Variants in NFE2 observed in about 807,000 individuals in gnomAD.
NFE2 encodes nuclear factor, erythroid 2, also known as transcription factor NF-E2 45 kDa subunit.
A neutral mutation model predicts 25.8 loss-of-function variants in NFE2; 13 were observed. That is an observed-to-expected ratio of 0.50 (90% CI 0.33 to 0.80). NFE2 has a LOEUF of 0.80. Among genes scored for constraint, NFE2 ranks in the 30% least tolerant of loss-of-function variants. The probability of loss-of-function intolerance (pLI) is 0.02; values close to 1 mark genes in which losing one functional copy is unlikely to be tolerated. For missense variants in NFE2, 382 were observed against 478.9 expected, an observed-to-expected ratio of 0.80 and a Z score of 1.89; for synonymous variants, 204 against 200.2, an observed-to-expected ratio of 1.02 and a Z score of -0.16.
At chr12:54,297,030 T>G (rs967718523) in intron 1 of NFE2, among the ~76,000 whole-genome samples, 1 of 152,114 alleles carries the variant, frequency 6.6e-6, no homozygotes, top group African/African-American at 2.4e-5. Context: ...TGTGTCTATG[T>G]GCACGCACAC....
In NFE2 at chr12:54,292,761, C is replaced by T. The variant is rs760692648; in HGVS notation, c.735G>A (p.Leu245=). 1.2e-6 allele frequency: 2 copies of T among 1,614,240 alleles called. No homozygotes were observed. Among genetic ancestry groups the T allele is most frequent in the South Asian group, 2.2e-5 (2 of 91,092 alleles). The change falls in exon 3 of 3, where the codon TTG becomes TTA. Residue 245 remains leucine, a synonymous_variant. Coordinates refer to ENST00000435572, the MANE Select transcript of NFE2 (RefSeq NM_001136023.3). ...IPFPTDKIVN[L]PVDDFNELLA... Reference sequence around the variant, plus strand: ...ATAGCTCATTAAAGTCATCTACCGGCAAGTTGACAATCTTGTCCGTAGGAA... The same window carrying T: ...ATAGCTCATTAAAGTCATCTACCGGTAAGTTGACAATCTTGTCCGTAGGAA...
chr12:54,294,393 C>T (rs1171801908), intron 2 of NFE2, among the ~76,000 whole-genome samples: 1 of 152,082 alleles, frequency 6.6e-6, no homozygotes, highest in African/African-American at 2.4e-5. Flanking sequence ...AGATGCCCAG[C>T]AGAGGGAGCC....
intron 2 of NFE2, among the ~76,000 whole-genome samples, chr12:54,294,561 G>A (rs980943779): frequency 3.3e-5 from 5 of 152,158 alleles, no homozygotes; most frequent in Middle Eastern, 6.3e-3. Flanking sequence ...CAGGTGCAGC[G>A]AGAAGTAGAG....
intron 1 of NFE2, among the ~76,000 whole-genome samples, chr12:54,298,601 A>G (rs185327021): frequency 6.6e-6 from 1 of 152,058 alleles, no homozygotes; most frequent in African/African-American, 2.4e-5. Flanking sequence ...CTAGGAACCT[A>G]ATTGCTATTA....
At position 54,292,702 on chromosome 12, in the gene NFE2, G is replaced by A. The variant is rs746400479; in HGVS notation, c.794C>T (p.Ala265Val). Reference sequence around the variant, plus strand: ...CCGTCGTCGGATGTCCCGGACTAGCGCTAGCTGGCTCTCTGTCAGCGGGTA... The same window carrying A: ...CCGTCGTCGGATGTCCCGGACTAGCACTAGCTGGCTCTCTGTCAGCGGGTA... ...ARYPLTESQL[A>V]LVRDIRRRGK... The change falls in exon 3 of 3, where the codon GCG becomes GTG. Residue 265 changes from alanine to valine, a missense_variant. Coordinates refer to ENST00000435572, the MANE Select transcript of NFE2 (RefSeq NM_001136023.3). 5.0e-6 allele frequency: 8 copies of A among 1,614,228 alleles called. No homozygotes were observed. Among genetic ancestry groups the A allele is most frequent in the East Asian group, 4.5e-5 (2 of 44,888 alleles).
At position 54,293,319 on chromosome 12, in the gene NFE2, A is replaced by T; in HGVS notation, c.177T>A (p.Pro59=). The T allele has an allele frequency of 1.9e-6, 3 of 1,597,204 alleles. No individual in the cohort carries two copies. Among genetic ancestry groups the T allele is most frequent in the Non-Finnish European group, 2.6e-6 (3 of 1,170,310 alleles). ...EPQAPAPYLG[P]PPPTTYCPCS... ...AGGGGCAGTAAGTTGTGGGTGGTGG[A>T]GGTCCAAGGTATGGAGCTGGGGCTT... Residue 59 remains proline, a synonymous_variant, in exon 3 of 3, where the codon CCT becomes CCA. Transcript: ENST00000435572.
chr12:54,292,828 C>T lies in NFE2; in HGVS notation c.668G>A (p.Gly223Glu). 1 of 1,614,130 alleles carries T rather than the reference C, an allele frequency of 6.2e-7. No homozygotes were observed. Among genetic ancestry groups the T allele is most frequent in the East Asian group, 2.2e-5 (1 of 44,870 alleles). The change falls in exon 3 of 3, where the codon GGG becomes GAG. Residue 223 changes from glycine to glutamate, a missense_variant. Gly to Glu is a moderately conservative substitution (Grantham distance 98, BLOSUM62 -2). Transcript: ENST00000435572. ...RAKPTARGEA[G>E]SRDERRALAM... ...CAAGGCCCGACGTTCATCCCGACTC[C>T]CTGCCTCCCCCCGTGCAGTGGGCTT... is the stretch of plus-strand genomic sequence containing the variant.
intron 2 of NFE2, among the ~76,000 whole-genome samples, chr12:54,294,807 G>A (rs1237047930): frequency 6.6e-6 from 1 of 152,188 alleles, no homozygotes; most frequent in Non-Finnish European, 1.5e-5. Context: ...GAAGAAGATG[G>A]CAGGATCAGA....
rs1944342456 is a variant in NFE2 at position 54,293,673 on chromosome 12, A to AC, written c.115-293dup. 3.3e-5 allele frequency among the ~76,000 whole-genome samples: 5 copies of AC among 151,988 alleles called. No homozygotes were observed. The East Asian group carries it at 9.8e-4, about 30-fold the overall frequency. Reference sequence around the variant, plus strand: ...AGACCAGCCTGGACAACATGGTGAAACCCCATCTCTGCTAAAAATACAAAA... The same window carrying AC: ...AGACCAGCCTGGACAACATGGTGAAACCCCCATCTCTGCTAAAAATACAAAA... On this transcript the variant is annotated intron_variant, in intron 2 of 2. Transcript: ENST00000435572.
chr12:54,292,596 C>T lies in NFE2; in HGVS notation c.900G>A (p.Arg300=). The T allele has an allele frequency of 6.2e-7, 1 of 1,614,166 alleles. No individual in the cohort carries two copies. The highest frequency in any genetic ancestry group is 8.5e-7 in the Non-Finnish European group (1 of 1,180,030). The change falls in exon 3 of 3, where the codon CGG becomes CGA. Residue 300 remains arginine (R), a synonymous_variant. Transcript: ENST00000435572. ...TIVQLERELE[R]LTNERERLLR... ...GAAGCCGCTCCCGTTCATTGGTCAG[C>T]CGCTCCAGCTCCCGCTCCAGCTGCA...
chr12:54,294,309 A>T (rs987277959), intron 2 of NFE2, among the ~76,000 whole-genome samples: 2 of 151,848 alleles, frequency 1.3e-5, no homozygotes, highest in African/African-American at 4.8e-5. Flanking sequence ...TTTATCCAAG[A>T]TGACCCCTCA....
In NFE2 at chr12:54,293,232, G is replaced by A. The variant is rs1565886090; in HGVS notation, c.264C>T (p.Ser88=). The change falls in exon 3 of 3, where the codon TCC becomes TCT. Residue 88 remains serine, a synonymous_variant. Coordinates refer to ENST00000435572, the MANE Select transcript of NFE2 (RefSeq NM_001136023.3). ...ATGGGGGATCTGGGACATGGGATGT[G>A]GATGCTGGGAGCTCATAAGGTGGTG... ...LPPPPYELPA[S]TSHVPDPPYS... 1 of 1,610,098 alleles carries A rather than the reference G, an allele frequency of 6.2e-7. No homozygotes were observed.
At chr12:54,293,427 G>A (rs1376679677) in intron 2 of NFE2, 46 bp from the exon 3 acceptor site, 1 of 1,400,618 alleles carries the variant, frequency 7.1e-7, no homozygotes, top group African/African-American at 1.4e-5. Context: ...CTAAGGAAGA[G>A]AAACCAACAC....
At chr12:54,293,634 A>C (rs1388853467) in intron 2 of NFE2, among the ~76,000 whole-genome samples, 1 of 151,372 alleles carries the variant, frequency 6.6e-6, no homozygotes, top group Admixed American at 6.6e-5. Context: ...AGATCACCTG[A>C]GGTCAGGAGT....
At chr12:54,295,034 T>G in intron 2 of NFE2, 101 bp downstream of exon 2, 1 of 900,342 alleles carries the variant, frequency 1.1e-6, no homozygotes, top group Non-Finnish European at 1.8e-6. Flanking sequence ...TTACCAGCCC[T>G]GAGCCCTGCT....
In NFE2 at chr12:54,292,713, C is replaced by T. The variant is rs770232660; in HGVS notation, c.783G>A (p.Glu261=). Residue 261 remains glutamate, a synonymous_variant, in exon 3 of 3, where the codon GAG becomes GAA. Transcript: ENST00000435572. ...NELLARYPLT[E]SQLALVRDIR... ...TGTCCCGGACTAGCGCTAGCTGGCT[C>T]TCTGTCAGCGGGTACCTTGCCAATA... The T allele has an allele frequency of 6.2e-7, 1 of 1,614,170 alleles. No individual in the cohort carries two copies. The highest frequency in any genetic ancestry group is 8.5e-7 in the Non-Finnish European group (1 of 1,179,998).
chr12:54,297,321 C>A (rs1362116040), intron 1 of NFE2, among the ~76,000 whole-genome samples: 1 of 141,946 alleles, frequency 7.0e-6, no homozygotes, highest in Admixed American at 7.2e-5. Flanking sequence ...TGCCACCGCA[C>A]TCGAGAGCCT....
intron 1 of NFE2, chr12:54,300,301 A>G (rs960553078): frequency 6.6e-6 from 1 of 152,448 alleles, no homozygotes; most frequent in Non-Finnish European, 1.5e-5. Context: ...GAGAAAGGGC[A>G]AAGGAGCCAA....
chr12:54,298,888 T>C (rs1240986730), intron 1 of NFE2, among the ~76,000 whole-genome samples: 3 of 151,772 alleles, frequency 2.0e-5, no homozygotes, highest in Admixed American at 6.6e-5. Context: ...CCATCTCTAC[T>C]AAAAATACAA....
Sources: gnomAD v4.1 joint callset for allele counts (sites outside exome capture counted in the v4.1 genomes callset) on GRCh38, gnomAD v4.1.1 for gene constraint, MANE v1.5 for transcripts, NCBI Gene and HGNC (gene_info 2026-07-23, HGNC 2026-07-21) for gene names.